Variants in PARP12 observed in about 807,000 individuals in gnomAD.
PARP12 encodes the protein protein mono-ADP-ribosyltransferase PARP12.
PARP12 carries 59 observed loss-of-function variants against 72.4 expected under a neutral mutation model. The observed-to-expected ratio is 0.81, with a 90% CI of 0.66 to 1.01. The LOEUF (loss-of-function observed/expected upper bound fraction) is 1.01. PARP12 is among the 50% of genes least tolerant of loss of function. The pLI, the probability that PARP12 is intolerant of heterozygous loss-of-function variation, is 0.00. For missense variants in PARP12, 851 were observed against 914.0 expected (o/e 0.93, Z 0.89); for synonymous variants, 403 against 371.4 (o/e 1.09, Z -0.98).
rs988251977 is a variant in PARP12 at position 140,024,142 on chromosome 7, A to G, written c.*418T>C. On this transcript the variant is annotated 3_prime_UTR_variant, in exon 12 of 12. Transcript: ENST00000263549. The stretch of plus-strand genomic sequence containing the variant: ...CTGTGCCGCCCGTGGGCTGTCATCC[A>G]CCGGTGGCTACTGTGTCATTCTGGA... 7 of 291,466 alleles carry G rather than the reference A, an allele frequency of 2.4e-5. No homozygotes were observed. In the Admixed American group the frequency reaches 3.4e-4, roughly 14 times the overall value. The allele number at this position is 291,466 out of a possible 1,614,324, so 18.1% of individuals were successfully genotyped here.
At chr7:140,060,535 C>A (rs1216405692) in intron 1 of PARP12, among the ~76,000 whole-genome samples, 1 of 152,222 alleles carries the variant, frequency 6.6e-6, no homozygotes, top group African/African-American at 2.4e-5. Context: ...GAAGAAAACT[C>A]AAGGTCATCT....
rs1817535527 is a variant in PARP12, at chr7:140,062,889, G to A, written c.-42C>T. On this transcript the variant is annotated 5_prime_UTR_variant, in exon 1 of 12. Transcript: ENST00000263549. ...CCCGTCGGACCGCGGGTGGCGCGAC[G>A]CGGACGGCGGCGGACGCTGGCTGGC... 1 of 1,225,300 alleles carries A rather than the reference G, an allele frequency of 8.2e-7. No individual in the cohort carries two copies. Among genetic ancestry groups the A allele is most frequent in the South Asian group, 3.0e-5 (1 of 33,362 alleles). 75.9% of individuals were successfully genotyped at this position (1,225,300 alleles called of 1,614,324 possible).
Position 140,057,223 on chromosome 7 carries a change from G to A in PARP12, c.463-70C>T. The A allele has an allele frequency of 2.8e-6, 4 of 1,422,956 alleles. No homozygotes were observed. In the South Asian group the frequency reaches 5.4e-5, roughly 19 times the overall value. 88.1% of individuals were successfully genotyped at this position (1,422,956 alleles called of 1,614,324 possible). On this transcript the variant is annotated intron_variant, in intron 2 of 11. Coordinates refer to ENST00000263549, the MANE Select transcript of PARP12 (RefSeq NM_022750.4). ...CACGACACCACCTCCCCAGTGGCCA[G>A]TCCACTGGTGAGAAAGGGGCTTCAC...
intron 8 of PARP12, chr7:140,028,964 A>G (rs949297286): frequency 5.9e-5 from 17 of 289,930 alleles, no homozygotes; most frequent in East Asian, 1.1e-4. Flanking sequence ...GATGGAGTAC[A>G]TGGTTAAAGG....
rs537907925 is a variant in PARP12, at chr7:140,032,444, T to G, written c.1421+1791A>C. On this transcript the variant is annotated intron_variant, in intron 8 of 11. Transcript: ENST00000263549. ...CTTCCATCTTGGCCTCCCAAAGTGC[T>G]GGGATTATAGGTGTGCACCACCGCA... 5.9e-5 allele frequency among the ~76,000 whole-genome samples: 9 copies of G among 152,188 alleles called. No homozygotes were observed. The East Asian group carries it at 1.7e-3, about 29-fold the overall frequency.
In PARP12 at chr7:140,041,755, G is replaced by A; in HGVS notation, c.1071C>T (p.Arg357=). The A allele has an allele frequency of 6.2e-7, 1 of 1,614,126 alleles. No homozygotes were observed. Among genetic ancestry groups the A allele is most frequent in the East Asian group, 2.2e-5 (1 of 44,886 alleles). Residue 357 remains arginine (R), a synonymous_variant, in exon 6 of 12, where the codon CGC becomes CGT. Coordinates refer to ENST00000263549, the MANE Select transcript of PARP12 (RefSeq NM_022750.4). ...TGACAGAGGAGGCCGTGGAGAGGCG[G>A]CGAGCCTGGGTAGCACCGTAAGTCA... ...NAMTYGATQA[R]RLSTASSVTK... is the part of the protein sequence containing the mutation.
chr7:140,033,597 C>G (rs1433207212), intron 8 of PARP12: 7 of 985,262 alleles, frequency 7.1e-6, no homozygotes. Context: ...CCCATCCCAC[C>G]TCCCCAAGCC....
At chr7:140,057,857 T>TC in intron 2 of PARP12, 42 bp downstream of exon 2, 1 of 1,611,200 alleles carries the variant, frequency 6.2e-7, no homozygotes, top group Non-Finnish European at 8.5e-7. Context: ...CACAGGAATG[T>TC]CCCCAGGGAG....
rs147579685 is a variant in PARP12, at chr7:140,026,376, G to C, written c.1629-28C>G. The stretch of plus-strand genomic sequence containing the variant: ...AGAATCACAGAAGAATGTGTGCTGG[G>C]GGCAGAGTGTGCCGGCCACCAAATA... On this transcript the variant is annotated intron_variant, in intron 10 of 11. Coordinates refer to ENST00000263549, the MANE Select transcript of PARP12 (RefSeq NM_022750.4). The C allele has an allele frequency of 1.1e-4, 178 of 1,593,338 alleles. 1 individual carries two copies. In the African/African-American group the frequency reaches 1.9e-3, roughly 17 times the overall value.
At chr7:140,047,236 T>C (rs1816767358) in intron 4 of PARP12, among the ~76,000 whole-genome samples, 1 of 151,940 alleles carries the variant, frequency 6.6e-6, no homozygotes, top group Admixed American at 6.5e-5. Flanking sequence ...TCTAAAACTC[T>C]TGTTACAACT....
chr7:140,046,628 G>C (rs1313965939), intron 5 of PARP12, among the ~76,000 whole-genome samples: 1 of 152,200 alleles, frequency 6.6e-6, no homozygotes, highest in Non-Finnish European at 1.5e-5. Context: ...TCTGAAAGGA[G>C]AGGGAGGTGG....
chr7:140,058,418 G>C (rs1817282393), intron 1 of PARP12, among the ~76,000 whole-genome samples: 1 of 151,748 alleles, frequency 6.6e-6, no homozygotes. Context: ...GGCTGAGGCA[G>C]AAGAATGGCA....
At chr7:140,046,491 T>C (rs556290176) in intron 5 of PARP12, among the ~76,000 whole-genome samples, 5 of 152,322 alleles carry the variant, frequency 3.3e-5, no homozygotes, top group East Asian at 3.9e-4. Flanking sequence ...ATTTCACAAA[T>C]AGAAATTATC....
intron 6 of PARP12, among the ~76,000 whole-genome samples, chr7:140,038,625 A>T (rs143401528): frequency 1.2e-4 from 19 of 152,220 alleles, no homozygotes; most frequent in African/African-American, 1.4e-4. Flanking sequence ...AAACATACTC[A>T]ATAAATGTTA....
chr7:140,026,081 T>G (rs1392395439), intron 11 of PARP12, 116 bp downstream of exon 11: 1 of 1,453,268 alleles, frequency 6.9e-7, no homozygotes, highest in Admixed American at 1.8e-5. Flanking sequence ...CCACCACACA[T>G]GGAGTCTGAA....
Position 140,056,898 on chromosome 7 carries a change from G to A in PARP12, c.718C>T (p.Pro240Ser), listed in dbSNP as rs776885489. The change falls in exon 3 of 12, where the codon CCC (proline) becomes TCC (serine). Residue 240 changes from proline (P) to serine (S), a missense_variant. Coordinates refer to ENST00000263549, the MANE Select transcript of PARP12 (RefSeq NM_022750.4). ...ACAAAAAGAGGAGGCACTCTGCTGG[G>A]GGCAGAGCTCTTATTCTTGATGTCA... ...AHDIKNKSSA[P>S]SRVPPLFVPQ... The A allele has an allele frequency of 1.2e-6, 2 of 1,612,886 alleles. No homozygotes were observed. The highest frequency in any genetic ancestry group is 1.1e-5 in the South Asian group (1 of 90,998).
At chr7:140,026,835 A>G (rs1815758085) in intron 10 of PARP12, among the ~76,000 whole-genome samples, 1 of 152,148 alleles carries the variant, frequency 6.6e-6, no homozygotes, top group African/African-American at 2.4e-5. Context: ...TGCCATGGTG[A>G]CCTATTGTAG....
intron 1 of PARP12, among the ~76,000 whole-genome samples, chr7:140,061,851 G>A (rs1222541418): frequency 6.6e-6 from 1 of 151,682 alleles, no homozygotes; most frequent in Non-Finnish European, 1.5e-5. Flanking sequence ...GTAAGGGGAG[G>A]AAAAATCCTC....
In PARP12 at chr7:140,026,330, C is replaced by T. The variant is rs751311444; in HGVS notation, c.1647G>A (p.Gln549=). 13 of 1,611,322 alleles carry T rather than the reference C, an allele frequency of 8.1e-6. No homozygotes were observed. In the East Asian group the frequency reaches 2.7e-4, roughly 33 times the overall value. The part of the protein sequence containing the change: ...EVYQWQKGQM[Q]KQNGGKAVDE... ...CCACGGCCTTCCCTCCGTTCTGCTTCTGCATCTGTCCTTTTTGCCTAGAAT... is the reference window on the plus strand; with the variant it reads ...CCACGGCCTTCCCTCCGTTCTGCTTTTGCATCTGTCCTTTTTGCCTAGAAT... Residue 549 remains glutamine (Q), a synonymous_variant, in exon 11 of 12, where the codon CAG becomes CAA. Transcript: ENST00000263549.
Sources: gnomAD v4.1 joint callset for allele counts (sites outside exome capture counted in the v4.1 genomes callset) on GRCh38, gnomAD v4.1.1 for gene constraint, MANE v1.5 for transcripts, NCBI Gene and HGNC (gene_info 2026-07-23, HGNC 2026-07-21) for gene names.